Variants in KCNT2 observed in about 807,000 individuals in gnomAD.
KCNT2 encodes potassium channel subfamily T member 2.
A neutral mutation model predicts 153.8 loss-of-function variants in KCNT2; 67 were observed. The observed-to-expected ratio is 0.44, with a 90% CI of 0.36 to 0.53. The LOEUF is 0.53. Among genes scored for constraint, KCNT2 ranks in the 20% least tolerant of loss-of-function variants. The pLI, the probability that KCNT2 is intolerant of heterozygous loss-of-function variation, is 0.00. For synonymous variants in KCNT2, 500 were observed against 458.8 expected, an observed-to-expected ratio of 1.09 and a Z score of -1.15; for missense variants, 975 against 1,354.8, an observed-to-expected ratio of 0.72 and a Z score of 4.40.
At chr1:196,387,853 C>G (rs2148398957) in intron 13 of KCNT2, among the ~76,000 whole-genome samples, 1 of 151,276 alleles carries the variant, frequency 6.6e-6, no homozygotes, top group South Asian at 2.1e-4. Flanking sequence ...TATTTTCATT[C>G]CAGTCTGGGG....
At chr1:196,543,018 G>A (rs1538683) in intron 1 of KCNT2, among the ~76,000 whole-genome samples, 118,256 of 152,068 alleles carry the variant, frequency 0.78, 49,555 homozygotes, top group East Asian at 0.97. Context: ...AGTAGTGTTA[G>A]CAACATAAAT....
Position 196,467,737 on chromosome 1 carries a change from C to A in KCNT2, c.509G>T (p.Cys170Phe). The A allele has an allele frequency of 6.2e-7, 1 of 1,606,874 alleles. No homozygotes were observed. Among genetic ancestry groups the A allele is most frequent in the Non-Finnish European group, 8.5e-7 (1 of 1,175,180 alleles). ...RNLFVPVFLNCWLAKHALENM... is the reference protein window; with the variant it reads ...RNLFVPVFLNFWLAKHALENM... ...TTCCAAGGCATGTTTGGCAAGCCAACAGTTCAGAAAGACTGGGACAAATAG... is the reference window on the plus strand; with the variant it reads ...TTCCAAGGCATGTTTGGCAAGCCAAAAGTTCAGAAAGACTGGGACAAATAG... The change falls in exon 7 of 28, where the codon TGT (cysteine) becomes TTT (phenylalanine). Residue 170 changes from cysteine to phenylalanine, a missense_variant. Cys to Phe is a radical substitution (Grantham distance 205). Around this residue, in one of 6 missense-constraint regions of KCNT2, gnomAD observed 140 missense variants for 216.0 expected, o/e 0.65. Coordinates refer to ENST00000294725, the MANE Select transcript of KCNT2 (RefSeq NM_198503.5).
chr1:196,585,507 C>T (rs1158824795), intron 1 of KCNT2, among the ~76,000 whole-genome samples: 1 of 151,794 alleles, frequency 6.6e-6, no homozygotes, highest in Non-Finnish European at 1.5e-5. Context: ...TCCACTCAGT[C>T]GATAATTCAA....
At chr1:196,270,355 T>A (rs2147825829) in intron 25 of KCNT2, among the ~76,000 whole-genome samples, 1 of 152,198 alleles carries the variant, frequency 6.6e-6, no homozygotes, top group South Asian at 2.1e-4. Flanking sequence ...AGGTTCATTT[T>A]ATGTCTAAAT....
intron 22 of KCNT2, among the ~76,000 whole-genome samples, chr1:196,295,315 G>T (rs1660578239): frequency 6.6e-6 from 1 of 151,784 alleles, no homozygotes; most frequent in Non-Finnish European, 1.5e-5. Context: ...TATAAAATAA[G>T]CTATTTGTAC....
intron 1 of KCNT2, among the ~76,000 whole-genome samples, chr1:196,506,844 C>T (rs770719554): frequency 2.0e-5 from 3 of 152,136 alleles, no homozygotes; most frequent in Non-Finnish European, 2.9e-5. Flanking sequence ...CCCACACCTG[C>T]TGTTCCATAA....
chr1:196,516,360 G>C (rs780032050), intron 1 of KCNT2, among the ~76,000 whole-genome samples: 1 of 152,052 alleles, frequency 6.6e-6, no homozygotes, highest in Admixed American at 6.5e-5. Context: ...TCTACAAAGA[G>C]GCAGCTAGAC....
intron 1 of KCNT2, among the ~76,000 whole-genome samples, chr1:196,592,942 T>A (rs1663560645): frequency 6.6e-6 from 1 of 150,692 alleles, no homozygotes; most frequent in African/African-American, 2.4e-5. Context: ...TTTATTTCCA[T>A]AAAATGTGGG....
At chr1:196,275,800 G>A (rs887621905) in intron 25 of KCNT2, among the ~76,000 whole-genome samples, 6 of 151,842 alleles carry the variant, frequency 4.0e-5, no homozygotes, top group Admixed American at 6.6e-5. Flanking sequence ...GTTCTTCATA[G>A]TACAGAGTAG....
intron 12 of KCNT2, among the ~76,000 whole-genome samples, chr1:196,400,628 CA>C (rs200081577): frequency 0.058 from 8,758 of 151,644 alleles, 394 homozygotes; most frequent in Non-Finnish European, 0.085. Flanking sequence ...AGATAAAGAA[CA>C]AAAATGAATT....
Position 196,280,852 on chromosome 1 carries a change from T to C in KCNT2, c.2910+8A>G, listed in dbSNP as rs185228317. ...CATCAAAACAAGAATATTTTGTTATTTCCAAACCTCAGATGTAGTAAGTTT... is the reference window on the plus strand; with the variant it reads ...CATCAAAACAAGAATATTTTGTTATCTCCAAACCTCAGATGTAGTAAGTTT... On this transcript the variant is annotated splice_region_variant and intron_variant, in intron 25 of 27. Transcript: ENST00000294725. 2,066 of 1,610,636 alleles carry C rather than the reference T, an allele frequency of 1.3e-3. 1 individual carries two copies. The highest frequency in any genetic ancestry group is 1.6e-3 in the Non-Finnish European group (1,836 of 1,177,158).
At chr1:196,355,981 A>G (rs1667142813) in intron 14 of KCNT2, among the ~76,000 whole-genome samples, 2 of 151,756 alleles carry the variant, frequency 1.3e-5, no homozygotes, top group Admixed American at 6.6e-5. Context: ...ACATTGCTAT[A>G]TCTGTACCTT....
chr1:196,534,783 TGTGGAACTTC>T (rs1267458267), intron 1 of KCNT2, among the ~76,000 whole-genome samples: 1 of 152,206 alleles, frequency 6.6e-6, no homozygotes, highest in Admixed American at 6.5e-5. Context: ...CAGGTCACTT[TGTGGAACTTC>T]GTGGAAATGA....
At chr1:196,231,140 C>A (rs942151268) in intron 27 of KCNT2, among the ~76,000 whole-genome samples, 13 of 151,900 alleles carry the variant, frequency 8.6e-5, no homozygotes, top group African/African-American at 3.1e-4. Flanking sequence ...GATTATGACT[C>A]CCTGAAGGCT....
chr1:196,260,559 A>T (rs1052685856), intron 25 of KCNT2, among the ~76,000 whole-genome samples: 3 of 151,986 alleles, frequency 2.0e-5, no homozygotes, highest in East Asian at 1.9e-4. Flanking sequence ...AATTCCATAA[A>T]ATAAGTAACA....
intron 13 of KCNT2, among the ~76,000 whole-genome samples, chr1:196,383,397 A>G (rs572471172): frequency 6.6e-6 from 1 of 152,236 alleles, no homozygotes; most frequent in Non-Finnish European, 1.5e-5. Context: ...TCGCTATCAA[A>G]ATTTCTAAAA....
chr1:196,431,309 G>A (rs902007889), intron 8 of KCNT2, among the ~76,000 whole-genome samples: 1 of 152,138 alleles, frequency 6.6e-6, no homozygotes, highest in African/African-American at 2.4e-5. Flanking sequence ...TGTGGAAGCA[G>A]CTTTGGAATT....
At position 196,443,317 on chromosome 1, in the gene KCNT2, C is replaced by A. The variant is rs376566704; in HGVS notation, c.639-13560G>T. On this transcript the variant is annotated intron_variant, in intron 8 of 27. Transcript: ENST00000294725. ...GACCTAAGACTATTTATTTGGTCATCATTTTCAAGTTATTTTGGGGGCATA... is the reference window on the plus strand; with the variant it reads ...GACCTAAGACTATTTATTTGGTCATAATTTTCAAGTTATTTTGGGGGCATA... Among the ~76,000 whole-genome samples, 24 of 151,530 alleles carry A rather than the reference C, an allele frequency of 1.6e-4. No homozygotes were observed. In the East Asian group the frequency reaches 4.5e-3, roughly 28 times the overall value.
chr1:196,242,750 A>G (rs1262988107), intron 26 of KCNT2, among the ~76,000 whole-genome samples: 1 of 152,136 alleles, frequency 6.6e-6, no homozygotes, highest in Admixed American at 6.6e-5. Flanking sequence ...CCTTTTAGCA[A>G]TTTTCTTAGA....
Sources: gnomAD v4.1 joint callset for allele counts (sites outside exome capture counted in the v4.1 genomes callset) on GRCh38, gnomAD v4.1.1 for gene constraint, gnomAD v4.1.1 regional missense constraint, MANE v1.5 for transcripts, NCBI Gene and HGNC (gene_info 2026-07-23, HGNC 2026-07-21) for gene names.